Variants in RASA3 observed in about 807,000 individuals in gnomAD.
The protein encoded by RASA3 is RAS p21 protein activator 3.
In RASA3, 73 loss-of-function variants were observed where a neutral mutation model predicts 110.0. That is an observed-to-expected ratio of 0.66 (90% CI 0.55 to 0.81). The LOEUF is 0.81. Among genes scored for constraint, RASA3 ranks in the 30% least tolerant of loss-of-function variants. The pLI is 0.00. For synonymous variants in RASA3, 500 were observed against 451.4 expected (o/e 1.11, Z -1.37); for missense variants, 976 against 1,113.2 (o/e 0.88, Z 1.75).
intron 21 of RASA3, among the ~76,000 whole-genome samples, chr13:113,995,107 G>A (rs1346468408): frequency 1.3e-5 from 2 of 152,272 alleles, no homozygotes; most frequent in African/African-American, 4.8e-5. Flanking sequence ...ATCTGCCAAG[G>A]CAGTGAGCAA....
intron 7 of RASA3, among the ~76,000 whole-genome samples, chr13:114,026,944 CT>C (rs1021956592): frequency 4.6e-5 from 7 of 152,242 alleles, no homozygotes; most frequent in Non-Finnish European, 8.8e-5. Context: ...ATCCTTTCCC[CT>C]TTGTTTCAAA....
At chr13:114,012,102 A>T (rs2053647402) in intron 15 of RASA3, among the ~76,000 whole-genome samples, 1 of 151,870 alleles carries the variant, frequency 6.6e-6, no homozygotes, top group African/African-American at 2.4e-5. Context: ...GAATCTGTTG[A>T]CTCAATACAC....
At chr13:114,123,269 G>C (rs2080403404) in intron 1 of RASA3, among the ~76,000 whole-genome samples, 1 of 152,200 alleles carries the variant, frequency 6.6e-6, no homozygotes, top group Non-Finnish European at 1.5e-5. Flanking sequence ...ACACAGAAGT[G>C]ACAAGATCAA....
At position 114,000,841 on chromosome 13, in the gene RASA3, A is replaced by G; in HGVS notation, c.1834T>C (p.Tyr612His). The G allele has an allele frequency of 6.2e-7, 1 of 1,611,036 alleles. No individual in the cohort carries two copies. ...WFRLTNHEFT[Y>H]HKSKGDQPLY... ...TGCTCCTTACCTTTGCTTTTGTGGT[A>G]GGTAAATTCATGGTTGGTCAAGCGA... Residue 612 changes from tyrosine to histidine, a missense_variant, in exon 19 of 24, where the codon TAC becomes CAC. Coordinates refer to ENST00000334062, the MANE Select transcript of RASA3 (RefSeq NM_007368.4).
intron 3 of RASA3, among the ~76,000 whole-genome samples, chr13:114,049,153 G>C (rs2079102667): frequency 6.6e-6 from 1 of 152,048 alleles, no homozygotes. Context: ...CTGGCAGGTG[G>C]GGTTTCCTCA....
chr13:114,081,164 C>T (rs747100455), intron 1 of RASA3, among the ~76,000 whole-genome samples: 5 of 143,582 alleles, frequency 3.5e-5, no homozygotes, highest in African/African-American at 5.6e-5. Context: ...GCTCCTGGTG[C>T]AAATGACCCT....
intron 1 of RASA3, among the ~76,000 whole-genome samples, chr13:114,113,482 G>A (rs1420137861): frequency 6.6e-6 from 1 of 152,226 alleles, no homozygotes; most frequent in African/African-American, 2.4e-5. Flanking sequence ...GAGAAAACCA[G>A]AGGGGACAAA....
chr13:114,011,088 T>C lies in RASA3; in HGVS notation c.1590+83A>G, dbSNP rs752846013. On this transcript the variant is annotated intron_variant, in intron 16 of 23. Transcript: ENST00000334062. The surrounding 1 kb of genome is among the most constrained non-coding windows in gnomAD (Gnocchi z 4.8). ...CTTTATCTTACGACTCTCTCAAATG[T>C]GGGAGGTTTTTCACGTGTATTTTCT... The C allele has an allele frequency of 2.9e-5, 35 of 1,224,394 alleles. No homozygotes were observed. The highest frequency in any genetic ancestry group is 1.9e-4 in the Middle Eastern group (1 of 5,346). The allele number at this position is 1,224,394 out of a possible 1,614,324, so 75.8% of individuals were successfully genotyped here. A position where few individuals can be genotyped will look rare whatever the true frequency, so the allele number is the denominator to read the frequency against.
chr13:114,105,046 T>C (rs1015027348), intron 1 of RASA3, among the ~76,000 whole-genome samples: 1 of 151,718 alleles, frequency 6.6e-6, no homozygotes, highest in Non-Finnish European at 1.5e-5. Flanking sequence ...TTTGGCCAAT[T>C]GGCGCACCCT....
rs189043709 is a variant in RASA3 at position 114,104,105 on chromosome 13, C to T, written c.55+28330G>A. Reference sequence around the variant, plus strand: ...CGATGCGTCCACGCTGTCACGGCCACGGACACCCACCCCTGATGCGTCCAC... The same window carrying T: ...CGATGCGTCCACGCTGTCACGGCCATGGACACCCACCCCTGATGCGTCCAC... On this transcript the variant is annotated intron_variant, in intron 1 of 23. Coordinates refer to ENST00000334062, the MANE Select transcript of RASA3 (RefSeq NM_007368.4). Among the ~76,000 whole-genome samples the T allele has an allele frequency of 3.5e-3, 68 of 19,502 alleles. 19 individuals carry two copies. The highest frequency in any genetic ancestry group is 5.3e-3 in the Non-Finnish European group (46 of 8,656). 12.8% of individuals were successfully genotyped at this position (19,502 alleles called of 152,430 possible). A position where few individuals can be genotyped will look rare whatever the true frequency, so the allele number is the denominator to read the frequency against.
At chr13:114,107,063 C>T (rs1358273372) in intron 1 of RASA3, among the ~76,000 whole-genome samples, 1 of 152,242 alleles carries the variant, frequency 6.6e-6, no homozygotes, top group Non-Finnish European at 1.5e-5. Flanking sequence ...TCGTGCACGG[C>T]CACATCTGGA....
intron 1 of RASA3, among the ~76,000 whole-genome samples, chr13:114,128,399 T>C (rs541938159): frequency 3.4e-4 from 51 of 152,238 alleles, no homozygotes; most frequent in African/African-American, 1.1e-3. Flanking sequence ...CGTGAGGGAG[T>C]CCATCAGGCT....
rs184303982 is a variant in RASA3, at chr13:113,999,151, T to C, written c.1932+434A>G. 6.0e-3 allele frequency among the ~76,000 whole-genome samples: 911 copies of C among 151,960 alleles called. 2 individuals are homozygous for C. Among genetic ancestry groups the C allele is most frequent in the African/African-American group, 0.018 (730 of 41,476 alleles). ...CGGGGAACGAGGCCACACACGGGTC[T>C]GGGTCAAGGGTGTGTGGAAAGTACT... On this transcript the variant is annotated intron_variant, in intron 20 of 23. Coordinates refer to ENST00000334062, the MANE Select transcript of RASA3 (RefSeq NM_007368.4).
chr13:113,980,882 GAGAGAGGGAGGATCGA>G (rs887228100), intron 23 of RASA3, among the ~76,000 whole-genome samples: 4 of 152,214 alleles, frequency 2.6e-5, no homozygotes, highest in Non-Finnish European at 5.9e-5. Flanking sequence ...GGTGGAGGAG[GAGAGAGGGAGGATCGA>G]AGGGAGGGAG....
At chr13:114,061,093 TACTC>T (rs928943078) in intron 2 of RASA3, among the ~76,000 whole-genome samples, 2 of 151,418 alleles carry the variant, frequency 1.3e-5, no homozygotes, top group Non-Finnish European at 3.0e-5. Context: ...GCACAGAAAT[TACTC>T]ACTTAAAAGC....
At chr13:113,991,079 A>T (rs78173643) in intron 22 of RASA3, among the ~76,000 whole-genome samples, 5,941 of 120,266 alleles carry the variant, frequency 0.049, 1,007 homozygotes, top group East Asian at 0.08. Flanking sequence ...GGGCTGGAGA[A>T]CAGGCGTGGC....
At chr13:114,041,437 G>A (rs190430099) in intron 3 of RASA3, among the ~76,000 whole-genome samples, 22 of 152,392 alleles carry the variant, frequency 1.4e-4, no homozygotes, top group Non-Finnish European at 2.4e-4. Flanking sequence ...CCAGTAAGGC[G>A]TTCCAGAGGC....
At chr13:113,996,887 C>T in intron 20 of RASA3, 148 bp from the exon 21 acceptor site, 1 of 702,190 alleles carries the variant, frequency 1.4e-6, no homozygotes, top group Non-Finnish European at 2.4e-6. Flanking sequence ...GAGCTCTAAG[C>T]CCCAGAAGAG....
At chr13:114,045,753 A>G (rs1388715953) in intron 3 of RASA3, among the ~76,000 whole-genome samples, 3 of 152,246 alleles carry the variant, frequency 2.0e-5, no homozygotes, top group Non-Finnish European at 4.4e-5. Context: ...CATGAAAATT[A>G]CACAAAAACA....
Sources: allele counts gnomAD v4.1 joint callset (sites outside exome capture counted in the v4.1 genomes callset), GRCh38; gene constraint gnomAD v4.1.1; non-coding constraint Gnocchi (gnomAD v3.1); transcripts MANE v1.5; gene names NCBI Gene and HGNC (gene_info 2026-07-23, HGNC 2026-07-21).